Variants in TESC observed in about 807,000 individuals in gnomAD.
The protein encoded by TESC is tescalcin.
In TESC, 19 loss-of-function variants were observed where a neutral mutation model predicts 31.0. That is an observed-to-expected ratio of 0.61 (90% CI 0.43 to 0.90). The LOEUF (loss-of-function observed/expected upper bound fraction) is 0.90, where lower values mean the gene tolerates loss of function less well. Ranked by LOEUF, TESC falls within the 40% of genes least tolerant of loss-of-function variation. The pLI, the probability that TESC is intolerant of heterozygous loss-of-function variation, is 0.00. For synonymous variants in TESC, 109 were observed against 114.8 expected (o/e 0.95, Z 0.32); for missense variants, 248 against 303.8 (o/e 0.82, Z 1.36).
intron 1 of TESC, among the ~76,000 whole-genome samples, chr12:117,094,563 G>A (rs556519373): frequency 6.6e-6 from 1 of 152,200 alleles, no homozygotes; most frequent in Non-Finnish European, 1.5e-5. Flanking sequence ...AGGTGACAGA[G>A]TTGACAAGTA....
chr12:117,081,505 C>T (rs1042126808), intron 1 of TESC, among the ~76,000 whole-genome samples: 1 of 152,084 alleles, frequency 6.6e-6, no homozygotes, highest in African/African-American at 2.4e-5. Context: ...TTGGTATATA[C>T]CCTTTGAATC....
intron 2 of TESC, among the ~76,000 whole-genome samples, chr12:117,069,536 C>T (rs1054267321): frequency 1.2e-4 from 18 of 152,126 alleles, no homozygotes; most frequent in Admixed American, 7.2e-4. Flanking sequence ...CTGCGCCCGG[C>T]CAACAATATG....
Position 117,042,035 on chromosome 12 carries a change from T to A in TESC, c.520-41A>T, listed in dbSNP as rs901146720. The A allele has an allele frequency of 2.5e-6, 4 of 1,570,848 alleles. No homozygotes were observed. The African/African-American group carries it at 4.1e-5, about 16-fold the overall frequency. On this transcript the variant is annotated intron_variant, in intron 6 of 7. Coordinates refer to ENST00000335209, the MANE Select transcript of TESC (RefSeq NM_017899.4). The stretch of plus-strand genomic sequence containing the variant: ...CAGGGTGGACAGTGAGTGGCGCAGG[T>A]CCCCACACAGCTTCCGCAGGGGGAC...
intron 3 of TESC, among the ~76,000 whole-genome samples, chr12:117,055,360 C>T (rs1012117715): frequency 6.6e-6 from 1 of 152,128 alleles, no homozygotes; most frequent in Non-Finnish European, 1.5e-5. Context: ...CCTGGCTGGT[C>T]TCAAGCTCCT....
chr12:117,098,248 G>A (rs1955421348), intron 1 of TESC: 1 of 152,272 alleles, frequency 6.6e-6, no homozygotes, highest in Non-Finnish European at 1.5e-5. Context: ...GCGTCTACCA[G>A]GTACTAGGAG....
intron 2 of TESC, among the ~76,000 whole-genome samples, chr12:117,067,844 CAT>C (rs1332598264): frequency 2.0e-5 from 3 of 152,186 alleles, no homozygotes; most frequent in Non-Finnish European, 2.9e-5. Flanking sequence ...GCGTCTGGCA[CAT>C]GTTAGCACTC....
intron 7 of TESC, among the ~76,000 whole-genome samples, chr12:117,039,468 G>A (rs897007548): frequency 2.0e-5 from 3 of 152,194 alleles, no homozygotes; most frequent in African/African-American, 7.2e-5. Flanking sequence ...TTATTATTAA[G>A]TACTGAATCC....
Position 117,099,293 on chromosome 12 carries a change from G to A in TESC, c.-11C>T, listed in dbSNP as rs1955440436. 1.4e-6 allele frequency: 2 copies of A among 1,432,056 alleles called. No homozygotes were observed. Among genetic ancestry groups the A allele is most frequent in the Non-Finnish European group, 1.8e-6 (2 of 1,098,568 alleles). 88.7% of individuals were successfully genotyped at this position (1,432,056 alleles called of 1,614,324 possible). A position where few individuals can be genotyped will look rare whatever the true frequency, so the allele number is the denominator to read the frequency against. Reference sequence around the variant, plus strand: ...GTGGGCAGCGCCCATGGTGCCCGCGGCGGGGGCCCCGGGGCGCGCGTCCCT... The same window carrying A: ...GTGGGCAGCGCCCATGGTGCCCGCGACGGGGGCCCCGGGGCGCGCGTCCCT... On this transcript the variant is annotated 5_prime_UTR_variant, in exon 1 of 8. Coordinates refer to ENST00000335209, the MANE Select transcript of TESC (RefSeq NM_017899.4).
intron 1 of TESC, among the ~76,000 whole-genome samples, chr12:117,081,323 A>G (rs1955144740): frequency 6.6e-6 from 1 of 152,242 alleles, no homozygotes; most frequent in South Asian, 2.1e-4. Context: ...ATTTTTAAAT[A>G]TAATGGGCTA....
At chr12:117,060,214 G>A (rs138721826) in intron 2 of TESC, among the ~76,000 whole-genome samples, 52 of 152,286 alleles carry the variant, frequency 3.4e-4, no homozygotes, top group African/African-American at 1.1e-3. Flanking sequence ...AAGAACTGCT[G>A]TGCTACTGCA....
chr12:117,069,456 C>A (rs567013237), intron 2 of TESC, among the ~76,000 whole-genome samples: 11 of 152,266 alleles, frequency 7.2e-5, no homozygotes, highest in African/African-American at 2.4e-4. Flanking sequence ...CCAGGCTGGT[C>A]TGGAACTCCT....
chr12:117,063,681 G>A (rs941545725), intron 2 of TESC, among the ~76,000 whole-genome samples: 4 of 152,144 alleles, frequency 2.6e-5, no homozygotes, highest in East Asian at 3.9e-4. Flanking sequence ...CCACTTTGCC[G>A]GGCTGCCTGC....
chr12:117,049,383 G>A (rs1258342762), intron 3 of TESC, among the ~76,000 whole-genome samples: 1 of 152,240 alleles, frequency 6.6e-6, no homozygotes, highest in Non-Finnish European at 1.5e-5. Flanking sequence ...CATCATCAGG[G>A]AGGTGGAAGA....
intron 1 of TESC, among the ~76,000 whole-genome samples, chr12:117,080,169 T>C (rs896671843): frequency 6.6e-6 from 1 of 151,984 alleles, no homozygotes; most frequent in Non-Finnish European, 1.5e-5. Flanking sequence ...CAGTTAACAG[T>C]ATCCAAAGTG....
chr12:117,069,454 G>C (rs1391068514), intron 2 of TESC, among the ~76,000 whole-genome samples: 1 of 152,108 alleles, frequency 6.6e-6, no homozygotes, highest in Non-Finnish European at 1.5e-5. Flanking sequence ...GGCCAGGCTG[G>C]TCTGGAACTC....
chr12:117,088,502 A>G (rs145990131), intron 1 of TESC, among the ~76,000 whole-genome samples: 3,731 of 152,202 alleles, frequency 0.025, 89 homozygotes, highest in African/African-American at 0.054. Flanking sequence ...CCAACATGGC[A>G]AAACCCCGTC....
At chr12:117,095,630 C>T (rs1357141027) in intron 1 of TESC, among the ~76,000 whole-genome samples, 1 of 152,148 alleles carries the variant, frequency 6.6e-6, no homozygotes, top group Admixed American at 6.5e-5. Context: ...GTAACTCCAG[C>T]GCTTTCAAGA....
intron 2 of TESC, among the ~76,000 whole-genome samples, chr12:117,060,629 C>T (rs958282791): frequency 6.6e-6 from 1 of 152,136 alleles, no homozygotes; most frequent in Non-Finnish European, 1.5e-5. Flanking sequence ...TTCCCAGAGA[C>T]CCCACAAGGG....
chr12:117,068,884 T>G (rs766258214), intron 2 of TESC, among the ~76,000 whole-genome samples: 1 of 152,198 alleles, frequency 6.6e-6, no homozygotes, highest in African/African-American at 2.4e-5. Flanking sequence ...TAAAAATTGT[T>G]GTTTAAAACA....
Sources: allele counts gnomAD v4.1 joint callset (sites outside exome capture counted in the v4.1 genomes callset), GRCh38; gene constraint gnomAD v4.1.1; transcripts MANE v1.5; gene names NCBI Gene and HGNC (gene_info 2026-07-23, HGNC 2026-07-21).